The following UVRAG variants were observed in gnomAD, a reference collection of about 807,000 sequenced individuals.
UVRAG encodes the protein UV radiation resistance-associated gene protein.
In UVRAG, 19 loss-of-function variants were observed where a neutral mutation model predicts 78.0. The observed-to-expected ratio is 0.24, with a 90% CI of 0.17 to 0.36. UVRAG has a LOEUF of 0.36. Ranked by LOEUF, UVRAG falls within the 10% of genes least tolerant of loss-of-function variation. The pLI is 1.00. For missense variants in UVRAG, 740 were observed against 853.8 expected (o/e 0.87, Z 1.66); for synonymous variants, 323 against 324.6 (o/e 1.00, Z 0.05).
At chr11:75,935,005 G>A (rs1470162879) in intron 6 of UVRAG, 2 of 152,202 alleles carry the variant, frequency 1.3e-5, no homozygotes, top group African/African-American at 4.8e-5. Flanking sequence ...GGCCTGGCTA[G>A]TACTTAGATG....
chr11:76,125,290 A>G (rs1256130143), intron 14 of UVRAG, among the ~76,000 whole-genome samples: 2 of 152,216 alleles, frequency 1.3e-5, no homozygotes, highest in Admixed American at 1.3e-4. Flanking sequence ...ATAAGTGAAA[A>G]AGAAAGTTTT....
chr11:75,869,047 TAA>T (rs1452019088), intron 3 of UVRAG, among the ~76,000 whole-genome samples: 2 of 152,328 alleles, frequency 1.3e-5, no homozygotes, highest in African/African-American at 2.4e-5. Flanking sequence ...CATTCCAAGC[TAA>T]GAGATATGCT....
At chr11:76,080,520 A>AT (rs1163860621) in intron 13 of UVRAG, among the ~76,000 whole-genome samples, 1 of 151,786 alleles carries the variant, frequency 6.6e-6, no homozygotes, top group East Asian at 1.9e-4. Flanking sequence ...TATATAAATT[A>AT]TTTTTTTCAG....
chr11:76,141,428 C>G lies in UVRAG; in HGVS notation c.*15C>G. The G allele has an allele frequency of 6.2e-7, 1 of 1,606,376 alleles. No homozygotes were observed. Among genetic ancestry groups the G allele is most frequent in the Non-Finnish European group, 8.5e-7 (1 of 1,176,824 alleles). The stretch of plus-strand genomic sequence containing the variant: ...CCGATAAGTGAAGTGAGCAGGTCAA[C>G]AGTAGGACTGGGGCAGAAGCTCTGC... On this transcript the variant is annotated 3_prime_UTR_variant, in exon 15 of 15. Transcript: ENST00000356136.
chr11:76,019,510 A>G (rs1398175730), intron 12 of UVRAG, among the ~76,000 whole-genome samples: 4 of 152,198 alleles, frequency 2.6e-5, no homozygotes, highest in African/African-American at 9.7e-5. Flanking sequence ...GGTTTTTGAA[A>G]GGACTTGGAT....
chr11:75,846,864 C>T (rs1328163849), intron 1 of UVRAG, among the ~76,000 whole-genome samples: 2 of 151,924 alleles, frequency 1.3e-5, no homozygotes, highest in Non-Finnish European at 2.9e-5. Flanking sequence ...TGCTCTGTCG[C>T]ATAGGCTATA....
chr11:75,825,540 A>G (rs1408992450), intron 1 of UVRAG, among the ~76,000 whole-genome samples: 1 of 152,254 alleles, frequency 6.6e-6, no homozygotes, highest in Non-Finnish European at 1.5e-5. Flanking sequence ...TACAATTCAT[A>G]GTATACCTTC....
At chr11:75,815,881 G>T (rs1661548577) in intron 1 of UVRAG, among the ~76,000 whole-genome samples, 1 of 152,200 alleles carries the variant, frequency 6.6e-6, no homozygotes, top group African/African-American at 2.4e-5. Context: ...GAAGGGACCC[G>T]GGGAACCCCC....
At chr11:76,074,761 T>C (rs557633341) in intron 13 of UVRAG, among the ~76,000 whole-genome samples, 1 of 152,224 alleles carries the variant, frequency 6.6e-6, no homozygotes, top group Non-Finnish European at 1.5e-5. Flanking sequence ...CCTACAATTC[T>C]GTGAGTTAGA....
intron 6 of UVRAG, among the ~76,000 whole-genome samples, chr11:75,955,642 G>A (rs1407291613): frequency 6.6e-6 from 1 of 152,194 alleles, no homozygotes; most frequent in African/African-American, 2.4e-5. Context: ...GCTCACTCTT[G>A]TAATCCCAAC....
At chr11:75,887,706 C>T (rs1479562843) in intron 4 of UVRAG, among the ~76,000 whole-genome samples, 2 of 152,156 alleles carry the variant, frequency 1.3e-5, no homozygotes, top group Non-Finnish European at 2.9e-5. Flanking sequence ...CTTGGCCTCC[C>T]AAAGTGCTGG....
intron 13 of UVRAG, among the ~76,000 whole-genome samples, chr11:76,073,287 G>C (rs1242907514): frequency 6.6e-6 from 1 of 152,172 alleles, no homozygotes; most frequent in African/African-American, 2.4e-5. Flanking sequence ...GAGTTGCTAA[G>C]TGAACTACCT....
At chr11:76,086,604 A>G (rs948450042) in intron 13 of UVRAG, among the ~76,000 whole-genome samples, 2 of 152,212 alleles carry the variant, frequency 1.3e-5, no homozygotes. Context: ...CATGTTTCAT[A>G]AAATTAAAGT....
chr11:76,076,860 TA>T (rs1301019660), intron 13 of UVRAG, among the ~76,000 whole-genome samples: 1 of 150,272 alleles, frequency 6.7e-6, no homozygotes, highest in Non-Finnish European at 1.5e-5. Flanking sequence ...GACCCCATAA[TA>T]AAAAAATTAG....
chr11:76,083,624 A>G (rs1951537169), intron 13 of UVRAG, among the ~76,000 whole-genome samples: 1 of 152,244 alleles, frequency 6.6e-6, no homozygotes, highest in Non-Finnish European at 1.5e-5. Context: ...GTCACTCTAT[A>G]CAAAGTTTGC....
chr11:76,015,124 C>G (rs1351099588), intron 11 of UVRAG, among the ~76,000 whole-genome samples: 1 of 152,134 alleles, frequency 6.6e-6, no homozygotes, highest in Non-Finnish European at 1.5e-5. Flanking sequence ...TTTATGTGCT[C>G]TTTGCTCTTA....
At chr11:76,100,810 C>G (rs950205680) in intron 13 of UVRAG, among the ~76,000 whole-genome samples, 2 of 152,078 alleles carry the variant, frequency 1.3e-5, no homozygotes, top group Non-Finnish European at 2.9e-5. Context: ...CTCTTTGTGT[C>G]CATGTATTCT....
chr11:75,831,729 G>T (rs1945663323), intron 1 of UVRAG, among the ~76,000 whole-genome samples: 1 of 152,174 alleles, frequency 6.6e-6, no homozygotes, highest in Admixed American at 6.5e-5. Context: ...CAAGGAGCTG[G>T]AGAGTACAAA....
In UVRAG at chr11:76,016,998, A is replaced by T. The variant is rs199809811; in HGVS notation, c.1226+18A>T. 5.1e-5 allele frequency: 79 copies of T among 1,556,420 alleles called. 1 individual carries two copies. Among genetic ancestry groups the T allele is most frequent in the East Asian group, 1.6e-4 (7 of 44,104 alleles). ...GAGAGAGAGTAAGTGTCTTTTTTTTAAAAAAATGATTTTAACATCAAGCCA... is the reference window on the plus strand; with the variant it reads ...GAGAGAGAGTAAGTGTCTTTTTTTTTAAAAAATGATTTTAACATCAAGCCA... On this transcript the variant is annotated intron_variant, in intron 12 of 14. Coordinates refer to ENST00000356136, the MANE Select transcript of UVRAG (RefSeq NM_003369.4).
Sources: gnomAD v4.1 joint callset for allele counts (sites outside exome capture counted in the v4.1 genomes callset) on GRCh38, gnomAD v4.1.1 for gene constraint, MANE v1.5 for transcripts, NCBI Gene and HGNC (gene_info 2026-07-23, HGNC 2026-07-21) for gene names.